NAALADL2: variants seen among roughly 807,000 people sequenced by gnomAD.
The protein encoded by NAALADL2 is N-acetylated alpha-linked acidic dipeptidase like 2.
Under a neutral mutation model 87.2 loss-of-function variants are expected in NAALADL2, and 76 were observed. That is an observed-to-expected ratio of 0.87 (90% confidence interval 0.72 to 1.05). The LOEUF is 1.05. NAALADL2 is among the 50% of genes least tolerant of loss of function. The probability of loss-of-function intolerance (pLI) is 0.00; values close to 1 mark genes in which losing one functional copy is unlikely to be tolerated. For missense variants in NAALADL2, 1,089 were observed against 945.8 expected, an observed-to-expected ratio of 1.15 and a Z score of -1.99; for synonymous variants, 354 against 331.0, an observed-to-expected ratio of 1.07 and a Z score of -0.75.
intron 11 of NAALADL2, among the ~76,000 whole-genome samples, chr3:175,649,187 C>T (rs917533079): frequency 5.3e-5 from 8 of 151,958 alleles, no homozygotes; most frequent in Admixed American, 2.6e-4. Context: ...GTTCTGCAAC[C>T]TCATTATTAT....
intron 3 of NAALADL2, among the ~76,000 whole-genome samples, chr3:174,799,423 T>G (rs1479243426): frequency 6.6e-6 from 1 of 152,034 alleles, no homozygotes; most frequent in Non-Finnish European, 1.5e-5. Flanking sequence ...AGTGAATAAG[T>G]CTCATGAGAT....
At chr3:175,796,738 A>G (rs1753543902) in intron 13 of NAALADL2, among the ~76,000 whole-genome samples, 1 of 152,180 alleles carries the variant, frequency 6.6e-6, no homozygotes, top group Admixed American at 6.5e-5. Context: ...ATGACTTATT[A>G]TTTAGTGTGA....
At chr3:174,943,387 A>C (rs1738909791) in intron 1 of NAALADL2, among the ~76,000 whole-genome samples, 1 of 152,116 alleles carries the variant, frequency 6.6e-6, no homozygotes, top group Non-Finnish European at 1.5e-5. Flanking sequence ...ACTCTTGCTC[A>C]GTTGTGTGGC....
At chr3:175,464,893 A>T (rs1437891647) in intron 7 of NAALADL2, among the ~76,000 whole-genome samples, 2 of 152,222 alleles carry the variant, frequency 1.3e-5, no homozygotes, top group Non-Finnish European at 2.9e-5. Context: ...GAAGCACTAG[A>T]ATATTTATTA....
Position 175,495,091 on chromosome 3 carries a change from TA to T in NAALADL2, c.1653+23334del, listed in dbSNP as rs201567069. ...GCAATCCCATATATATATATATATA[TA>T]TTTTTTTTTAATTTTAGATTATTTC... On this transcript the variant is annotated intron_variant, in intron 9 of 13. Coordinates refer to ENST00000454872, the MANE Select transcript of NAALADL2 (RefSeq NM_207015.3). 2.6e-3 allele frequency among the ~76,000 whole-genome samples: 367 copies of T among 141,462 alleles called. 1 individual carries two copies. The highest frequency in any genetic ancestry group is 4.5e-3 in the East Asian group (20 of 4,460). 92.8% of individuals were successfully genotyped at this position (141,462 alleles called of 152,430 possible).
At chr3:175,177,220 A>T (rs1735815399) in intron 2 of NAALADL2, among the ~76,000 whole-genome samples, 1 of 151,964 alleles carries the variant, frequency 6.6e-6, no homozygotes, top group Non-Finnish European at 1.5e-5. Flanking sequence ...TATCTCCATT[A>T]TACCTGTCCC....
At chr3:174,487,836 A>ATT (rs1216188793) in intron 1 of NAALADL2, among the ~76,000 whole-genome samples, 1 of 152,088 alleles carries the variant, frequency 6.6e-6, no homozygotes, top group East Asian at 1.9e-4. Context: ...ATTTGGTGAC[A>ATT]TAAATAGAGA....
chr3:174,806,444 C>A (rs760192087), intron 3 of NAALADL2, among the ~76,000 whole-genome samples: 5 of 152,182 alleles, frequency 3.3e-5, no homozygotes, highest in Non-Finnish European at 7.4e-5. Context: ...GTTCTCTGCT[C>A]TTGAGCCTAA....
chr3:174,574,219 T>A (rs547850694), intron 2 of NAALADL2, among the ~76,000 whole-genome samples: 1 of 151,948 alleles, frequency 6.6e-6, no homozygotes, highest in Admixed American at 6.5e-5. Context: ...TAAAAGAAAA[T>A]TCAAGAAGAG....
intron 1 of NAALADL2, among the ~76,000 whole-genome samples, chr3:175,028,997 T>C (rs1326888113): frequency 6.7e-6 from 1 of 149,972 alleles, no homozygotes; most frequent in East Asian, 1.9e-4. Context: ...TAGATGAATA[T>C]TATGCAGTCT....
At chr3:175,750,852 T>C (rs1746536493) in intron 12 of NAALADL2, among the ~76,000 whole-genome samples, 1 of 152,174 alleles carries the variant, frequency 6.6e-6, no homozygotes. Flanking sequence ...TTTATTAAGA[T>C]TAAAAATTTA....
In NAALADL2 at chr3:175,379,636, C is replaced by T. The variant is rs181555290; in HGVS notation, c.1090+55311C>T. ...GCAACGTCTGCCTCCTGGGTTCAAG[C>T]GATTCTCTTGCCTCTGCCTCGGCCT... On this transcript the variant is annotated intron_variant, in intron 5 of 13. Coordinates refer to ENST00000454872, the MANE Select transcript of NAALADL2 (RefSeq NM_207015.3). Among the ~76,000 whole-genome samples, 213 of 151,734 alleles carry T rather than the reference C, an allele frequency of 1.4e-3. 2 individuals carry two copies. The highest frequency in any genetic ancestry group is 4.6e-3 in the African/African-American group (191 of 41,362).
chr3:175,291,929 T>C (rs994530253), intron 4 of NAALADL2, among the ~76,000 whole-genome samples: 3 of 152,232 alleles, frequency 2.0e-5, no homozygotes, highest in Non-Finnish European at 2.9e-5. Context: ...TAATGGTTCA[T>C]TTAGCCATAT....
chr3:175,769,568 A>G (rs575553384), intron 13 of NAALADL2, among the ~76,000 whole-genome samples: 63 of 152,356 alleles, frequency 4.1e-4, no homozygotes, highest in African/African-American at 1.3e-3. Flanking sequence ...TATTCTGTAT[A>G]TCTCTAATTG....
intron 11 of NAALADL2, among the ~76,000 whole-genome samples, chr3:175,673,488 A>G (rs1196733583): frequency 1.3e-5 from 2 of 152,164 alleles, no homozygotes; most frequent in African/African-American, 2.4e-5. Flanking sequence ...TTGGAGTAGA[A>G]CTGGACCTTA....
In NAALADL2 at chr3:174,873,199, G is replaced by GTCTCTCTC. The variant is rs3884084; in HGVS notation, c.43+13761_43+13768dup. The stretch of plus-strand genomic sequence containing the variant: ...AAACTAAAACTCACTCTCTCTGTCT[G>GTCTCTCTC]TCTCTCTCTCTCTCTCTCTGTGTAC... On this transcript the variant is annotated intron_variant, in intron 1 of 13. Transcript: ENST00000454872. 3.2e-3 allele frequency among the ~76,000 whole-genome samples: 477 copies of GTCTCTCTC among 148,552 alleles called. 2 individuals are homozygous for GTCTCTCTC. Among genetic ancestry groups the GTCTCTCTC allele is most frequent in the African/African-American group, 0.011 (431 of 40,468 alleles).
intron 5 of NAALADL2, among the ~76,000 whole-genome samples, chr3:175,391,756 T>C (rs906161268): frequency 6.6e-6 from 1 of 152,180 alleles, no homozygotes; most frequent in Non-Finnish European, 1.5e-5. Context: ...AGATAACTAA[T>C]GCACATACTA....
intron 2 of NAALADL2, chr3:175,112,743 A>C (rs1724410997): frequency 6.6e-6 from 1 of 151,688 alleles, no homozygotes; most frequent in Non-Finnish European, 1.5e-5. Context: ...ACAAAGATGG[A>C]TAGATCCTTT....
intron 1 of NAALADL2, among the ~76,000 whole-genome samples, chr3:174,880,549 T>G (rs1312903694): frequency 6.6e-6 from 1 of 152,054 alleles, no homozygotes; most frequent in Non-Finnish European, 1.5e-5. Context: ...GTTACCTTAC[T>G]TCTACCCTTG....
Sources: gnomAD v4.1 joint callset for allele counts (sites outside exome capture counted in the v4.1 genomes callset) on GRCh38, gnomAD v4.1.1 for gene constraint, MANE v1.5 for transcripts, NCBI Gene and HGNC (gene_info 2026-07-23, HGNC 2026-07-21) for gene names.